Variants in ZNHIT2 observed in about 807,000 individuals in gnomAD.
ZNHIT2 encodes the protein zinc finger HIT domain-containing protein 2.
Under a neutral mutation model 18.0 loss-of-function variants are expected in ZNHIT2, and 16 were observed. The observed-to-expected ratio is 0.89, with a 90% CI of 0.60 to 1.35. The LOEUF (loss-of-function observed/expected upper bound fraction) is 1.35, where lower values mean the gene tolerates loss of function less well. ZNHIT2 is among the 40% of genes most tolerant of loss of function. The probability of loss-of-function intolerance (pLI) is 0.00; values close to 1 mark genes in which losing one functional copy is unlikely to be tolerated. For missense variants in ZNHIT2, 631 were observed against 566.4 expected, an observed-to-expected ratio of 1.11 and a Z score of -1.16; for synonymous variants, 336 against 269.8, an observed-to-expected ratio of 1.25 and a Z score of -2.41.
At position 65,116,463 on chromosome 11, in the gene ZNHIT2, G is replaced by T; in HGVS notation, c.1191C>A (p.Leu397=). 2 of 1,513,960 alleles carry T rather than the reference G, an allele frequency of 1.3e-6. No homozygotes were observed. Among genetic ancestry groups the T allele is most frequent in the African/African-American group, 1.4e-5 (1 of 71,774 alleles). The allele number at this position is 1,513,960 out of a possible 1,614,324, so 93.8% of individuals were successfully genotyped here. A position where few individuals can be genotyped will look rare whatever the true frequency, so the allele number is the denominator to read the frequency against. Residue 397 remains leucine, a synonymous_variant, in exon 1 of 1, where the codon CTC becomes CTA. Transcript: ENST00000310597. ...CCGTTCAGCTAGGGAGCTCCTCAATGAGAGTTCTTGGGGCAGGTGGCACGG... is the reference window on the plus strand; with the variant it reads ...CCGTTCAGCTAGGGAGCTCCTCAATTAGAGTTCTTGGGGCAGGTGGCACGG... The part of the protein sequence containing the change: ...GGPVPPAPRT[L]IEELPS
chr11:65,116,558 G>A lies in ZNHIT2; in HGVS notation c.1096C>T (p.Gln366Ter). ...TCCTCGGCTACCACAGCATGGGCTT[G>A]GTGAGCCCTGGCGCAGTCTAGGGCC... The part of the protein sequence containing the change: ...PLALDCARAH[Q>*]AHAVVAEEVA... The change falls in exon 1 of 1, where the codon CAA becomes TAA. Residue 366 changes from glutamine (Q) to a stop codon, truncating the protein, a stop_gained. Coordinates refer to ENST00000310597, the MANE Select transcript of ZNHIT2 (RefSeq NM_014205.4). LOFTEE classifies it high-confidence loss of function. 6.4e-7 allele frequency: 1 copy of A among 1,573,466 alleles called. No individual in the cohort carries two copies. Among genetic ancestry groups the A allele is most frequent in the Non-Finnish European group, 8.7e-7 (1 of 1,153,380 alleles).
At position 65,117,383 on chromosome 11, in the gene ZNHIT2, C is replaced by A. The variant is rs1432511754; in HGVS notation, c.271G>T (p.Ala91Ser). The A allele has an allele frequency of 2.0e-6, 3 of 1,498,384 alleles. No homozygotes were observed. Among genetic ancestry groups the A allele is most frequent in the Non-Finnish European group, 2.7e-6 (3 of 1,131,938 alleles). 92.8% of individuals were successfully genotyped at this position (1,498,384 alleles called of 1,614,324 possible). ...PGEAGLSSGP[A>S]PGGLSGLWER... is the part of the protein sequence containing the mutation. ...CAGAGTCCCGATAGGCCGCCGGGCG[C>A]CGGGCCGGAGCTGAGGCCTGCTTCC... The change falls in exon 1 of 1, where the codon GCG (alanine) becomes TCG (serine). Residue 91 changes from alanine to serine, a missense_variant. Physicochemically the swap from Ala to Ser is moderately conservative, Grantham distance 99 (BLOSUM62 1). Transcript: ENST00000310597.
At position 65,116,620 on chromosome 11, in the gene ZNHIT2, G is replaced by C; in HGVS notation, c.1034C>G (p.Ala345Gly). ...GGCCGCCTCATTTTCGTTGGTCCAG[G>C]CCAGGAGGAACTGGCACTTTTTCCG... The part of the protein sequence containing the change: ...RARKKCQFLL[A>G]WTNENEAALT... The change falls in exon 1 of 1, where the codon GCC becomes GGC. Residue 345 changes from alanine to glycine, a missense_variant. Physicochemically the swap from Ala to Gly is moderately conservative, Grantham distance 60. Coordinates refer to ENST00000310597, the MANE Select transcript of ZNHIT2 (RefSeq NM_014205.4). 6.2e-7 allele frequency: 1 copy of C among 1,613,824 alleles called. No individual in the cohort carries two copies. The highest frequency in any genetic ancestry group is 8.5e-7 in the Non-Finnish European group (1 of 1,179,840).
rs1343212298 is a variant in ZNHIT2 at position 65,116,952 on chromosome 11, G to C, written c.702C>G (p.Asp234Glu). The change falls in exon 1 of 1, where the codon GAC becomes GAG. Residue 234 changes from aspartate (D) to glutamate (E), a missense_variant. Physicochemically the swap from Asp to Glu is conservative, Grantham distance 45. Coordinates refer to ENST00000310597, the MANE Select transcript of ZNHIT2 (RefSeq NM_014205.4). ...HTLALYHGGD[D>E]ALLSDFCATL... is the part of the protein sequence containing the mutation. The stretch of plus-strand genomic sequence containing the variant: ...TGGCACAGAAGTCAGAGAGCAGCGC[G>C]TCGTCACCGCCGTGATACAGGGCGA... The C allele has an allele frequency of 6.3e-7, 1 of 1,598,256 alleles. No individual in the cohort carries two copies. Among genetic ancestry groups the C allele is most frequent in the East Asian group, 2.2e-5 (1 of 44,578 alleles).
chr11:65,116,661 A>C lies in ZNHIT2; in HGVS notation c.993T>G (p.Asp331Glu). ...ACTTTTTCCGGGCCCGGTAAAGATG[A>C]TCTCGCTCTTCTCTAGCCACGGCCT... The part of the protein sequence containing the change: ...RKQAVAREER[D>E]HLYRARKKCQ... Residue 331 changes from aspartate to glutamate, a missense_variant, in exon 1 of 1, where the codon GAT (aspartate) becomes GAG (glutamate). Coordinates refer to ENST00000310597, the MANE Select transcript of ZNHIT2 (RefSeq NM_014205.4). 6.2e-7 allele frequency: 1 copy of C among 1,614,014 alleles called. No individual in the cohort carries two copies. Among genetic ancestry groups the C allele is most frequent in the Non-Finnish European group, 8.5e-7 (1 of 1,180,006 alleles).
Position 65,116,971 on chromosome 11 carries a change from A to G in ZNHIT2, c.683T>C (p.Leu228Pro). Residue 228 changes from leucine to proline, a missense_variant, in exon 1 of 1, where the codon CTG becomes CCG. Physicochemically the swap from Leu to Pro is moderately conservative, Grantham distance 98. Coordinates refer to ENST00000310597, the MANE Select transcript of ZNHIT2 (RefSeq NM_014205.4). ...CAGCGCGTCGTCACCGCCGTGATAC[A>G]GGGCGAGAGTATGCGCGTAGGCGAA... ...VLFAYAHTLA[L>P]YHGGDDALLS... 6.2e-7 allele frequency: 1 copy of G among 1,601,656 alleles called. No homozygotes were observed. Among genetic ancestry groups the G allele is most frequent in the Non-Finnish European group, 8.5e-7 (1 of 1,177,642 alleles).
Position 65,116,821 on chromosome 11 carries a change from G to A in ZNHIT2, c.833C>T (p.Pro278Leu), listed in dbSNP as rs1238840406. The change falls in exon 1 of 1, where the codon CCG becomes CTG. Residue 278 changes from proline to leucine, a missense_variant. By Grantham distance (98) the Pro-to-Leu change is moderately conservative (BLOSUM62 -3). Coordinates refer to ENST00000310597, the MANE Select transcript of ZNHIT2 (RefSeq NM_014205.4). ...AHVLEAGEHP[P>L]GPLGTRGAMH... ...AGCCCCTCGTGTGCCCAGGGGCCCC[G>A]GCGGGTGCTCGCCTGCTTCCAGCAC... 3.1e-6 allele frequency: 5 copies of A among 1,608,678 alleles called. No homozygotes were observed. In the South Asian group the frequency reaches 4.4e-5, roughly 14 times the overall value.
Position 65,117,120 on chromosome 11 carries a change from C to T in ZNHIT2, c.534G>A (p.Glu178=), listed in dbSNP as rs35984938. 2 of 1,582,196 alleles carry T rather than the reference C, an allele frequency of 1.3e-6. No homozygotes were observed. The highest frequency in any genetic ancestry group is 2.2e-5 in the South Asian group (2 of 89,534). The change falls in exon 1 of 1, where the codon GAG becomes GAA. Residue 178 remains glutamate, a synonymous_variant. Coordinates refer to ENST00000310597, the MANE Select transcript of ZNHIT2 (RefSeq NM_014205.4). ...DASAAEPAAA[E]RVLGDVPGAC... ...CCCCCGGGACATCTCCAAGAACCCG[C>T]TCGGCGGCCGCGGGCTCCGCGGCGG...
In ZNHIT2 at chr11:65,116,752, T is replaced by C. The variant is rs777242304; in HGVS notation, c.902A>G (p.Asn301Ser). The C allele has an allele frequency of 1.2e-6, 2 of 1,610,448 alleles. No homozygotes were observed. Among genetic ancestry groups the C allele is most frequent in the African/African-American group, 1.3e-5 (1 of 74,998 alleles). ...ARILLGEGPT[N>S]QKGYTLAALG... Reference sequence around the variant, plus strand: ...TGCTGCCAGCGTGTAGCCTTTCTGGTTGGTCGGGCCCTCGCCCAGCAGGAT... The same window carrying C: ...TGCTGCCAGCGTGTAGCCTTTCTGGCTGGTCGGGCCCTCGCCCAGCAGGAT... Residue 301 changes from asparagine (N) to serine (S), a missense_variant, in exon 1 of 1, where the codon AAC becomes AGC. Coordinates refer to ENST00000310597, the MANE Select transcript of ZNHIT2 (RefSeq NM_014205.4).
Position 65,117,309 on chromosome 11 carries a change from G to A in ZNHIT2, c.345C>T (p.Ser115=), listed in dbSNP as rs773492749. The change falls in exon 1 of 1, where the codon AGC becomes AGT. Residue 115 remains serine (S), a synonymous_variant. Coordinates refer to ENST00000310597, the MANE Select transcript of ZNHIT2 (RefSeq NM_014205.4). ...GCAGCAGCCGCCCGGCCTCACCGCG[G>A]CTCAGCAGCCGCTCGAAGGCAGCTT... is the stretch of plus-strand genomic sequence containing the variant. ...GEKAAFERLL[S]RGEAGRLLPP... 3.4e-6 allele frequency: 5 copies of A among 1,491,990 alleles called. No homozygotes were observed. In the Admixed American group the frequency reaches 7.1e-5, roughly 21 times the overall value. The allele number at this position is 1,491,990 out of a possible 1,614,324, so 92.4% of individuals were successfully genotyped here.
In ZNHIT2 at chr11:65,117,608, G is replaced by A. The variant is rs1948008776; in HGVS notation, c.46C>T (p.Gln16Ter). Residue 16 changes from glutamine (Q) to a stop codon, truncating the protein, a stop_gained, in exon 1 of 1, where the codon CAG becomes TAG. Transcript: ENST00000310597. LOFTEE classifies it high-confidence loss of function. ...CGAGGGCAGGTGTAACGCGCTGGCT[G>A]GACCTCCCCCGCCGGGCAGAAGCCA... is the stretch of plus-strand genomic sequence containing the variant. ...PCGFCPAGEV[Q>*]PARYTCPRCN... The A allele has an allele frequency of 6.6e-7, 1 of 1,510,654 alleles. No individual in the cohort carries two copies. The highest frequency in any genetic ancestry group is 8.8e-7 in the Non-Finnish European group (1 of 1,134,518). The allele number at this position is 1,510,654 out of a possible 1,614,324, so 93.6% of individuals were successfully genotyped here.
In ZNHIT2 at chr11:65,117,279, T is replaced by C. The variant is rs765623213; in HGVS notation, c.375A>G (p.Pro125=). ...SRGEAGRLLP[P]WRPWWWNRGA... is the part of the protein sequence containing the mutation. ...CGCGGTTCCACCACCACGGCCGCCA[T>C]GGAGGCAGCAGCCGCCCGGCCTCAC... Residue 125 remains proline, a synonymous_variant, in exon 1 of 1, where the codon CCA becomes CCG. Transcript: ENST00000310597. 13 of 1,490,500 alleles carry C rather than the reference T, an allele frequency of 8.7e-6. No homozygotes were observed. The highest frequency in any genetic ancestry group is 2.8e-5 in the African/African-American group (2 of 70,190). 92.3% of individuals were successfully genotyped at this position (1,490,500 alleles called of 1,614,324 possible). A position where few individuals can be genotyped will look rare whatever the true frequency, so the allele number is the denominator to read the frequency against.
chr11:65,117,678 G>T lies in ZNHIT2; in HGVS notation c.-25C>A. 7.3e-7 allele frequency: 1 copy of T among 1,362,080 alleles called. No homozygotes were observed. The highest frequency in any genetic ancestry group is 9.4e-7 in the Non-Finnish European group (1 of 1,059,726). 84.4% of individuals were successfully genotyped at this position (1,362,080 alleles called of 1,614,324 possible). On this transcript the variant is annotated 5_prime_UTR_variant, in exon 1 of 1. Transcript: ENST00000310597. ...TGGCAACTGGCACCGCGATCTACCT[G>T]CGAACGCACGCCGGTGGTAGTTCGA...
In ZNHIT2 at chr11:65,117,132, G is replaced by C; in HGVS notation, c.522C>G (p.Pro174=). ...CTCCAAGAACCCGCTCGGCGGCCGC[G>C]GGCTCCGCGGCGGAGGCATCTTTCA... The part of the protein sequence containing the change: ...DSVKDASAAE[P]AAAERVLGDV... Residue 174 remains proline, a synonymous_variant, in exon 1 of 1, where the codon CCC becomes CCG. Transcript: ENST00000310597. 1 of 1,581,606 alleles carries C rather than the reference G, an allele frequency of 6.3e-7. No homozygotes were observed. Among genetic ancestry groups the C allele is most frequent in the African/African-American group, 1.3e-5 (1 of 74,350 alleles).
chr11:65,116,914 A>G lies in ZNHIT2; in HGVS notation c.740T>C (p.Val247Ala), dbSNP rs1947995700. 2 of 1,596,910 alleles carry G rather than the reference A, an allele frequency of 1.3e-6. No homozygotes were observed. Among genetic ancestry groups the G allele is most frequent in the Non-Finnish European group, 1.7e-6 (2 of 1,176,340 alleles). Residue 247 changes from valine (V) to alanine (A), a missense_variant, in exon 1 of 1, where the codon GTT becomes GCT. Val to Ala is a moderately conservative substitution (Grantham distance 64). Coordinates refer to ENST00000310597, the MANE Select transcript of ZNHIT2 (RefSeq NM_014205.4). ...LSDFCATLLG[V>A]SGALGAQQVF... ...TTGCTGGGCACCCAGGGCTCCGGAAACGCCGAGCAGTGTGGCACAGAAGTC... is the reference window on the plus strand; with the variant it reads ...TTGCTGGGCACCCAGGGCTCCGGAAGCGCCGAGCAGTGTGGCACAGAAGTC...
chr11:65,117,175 C>T lies in ZNHIT2; in HGVS notation c.479G>A (p.Arg160Lys). The change falls in exon 1 of 1, where the codon AGG becomes AAG. Residue 160 changes from arginine (R) to lysine (K), a missense_variant. Transcript: ENST00000310597. Reference protein sequence around the residue: ...DAAELELAPARTPPDSVKDAS... With the variant: ...DAAELELAPAKTPPDSVKDAS... ...ATCTTTCACAGAATCCGGCGGGGTC[C>T]TCGCAGGGGCGAGCTCCAGCTCCGC... The T allele has an allele frequency of 6.4e-7, 1 of 1,558,938 alleles. No individual in the cohort carries two copies.
In ZNHIT2 at chr11:65,117,450, T is replaced by G. The variant is rs772989821; in HGVS notation, c.204A>C (p.Leu68=). The change falls in exon 1 of 1, where the codon CTA becomes CTC. Residue 68 remains leucine (L), a synonymous_variant. Transcript: ENST00000310597. The stretch of plus-strand genomic sequence containing the variant: ...TCTCGCGTTGCTGACGCAGCCGGCG[T>G]AGGGCGCTTGCTAGGCGGCTGGGAG... The part of the protein sequence containing the change: ...SAPPSRLASA[L]RRLRQQRETE... The G allele has an allele frequency of 1.4e-5, 21 of 1,529,174 alleles. No homozygotes were observed. Among genetic ancestry groups the G allele is most frequent in the East Asian group, 2.4e-5 (1 of 40,900 alleles). 94.7% of individuals were successfully genotyped at this position (1,529,174 alleles called of 1,614,324 possible).
Position 65,117,444 on chromosome 11 carries a change from C to A in ZNHIT2, c.210G>T (p.Arg70=), listed in dbSNP as rs766735027. 3.3e-6 allele frequency: 5 copies of A among 1,512,138 alleles called. No homozygotes were observed. Among genetic ancestry groups the A allele is most frequent in the Non-Finnish European group, 4.4e-6 (5 of 1,137,386 alleles). 93.7% of individuals were successfully genotyped at this position (1,512,138 alleles called of 1,614,324 possible). ...CCTCGGTCTCGCGTTGCTGACGCAG[C>A]CGGCGTAGGGCGCTTGCTAGGCGGC... is the stretch of plus-strand genomic sequence containing the variant. ...PPSRLASALR[R]LRQQRETEDE... is the part of the protein sequence containing the mutation. The change falls in exon 1 of 1, where the codon CGG becomes CGT. Residue 70 remains arginine, a synonymous_variant. Coordinates refer to ENST00000310597, the MANE Select transcript of ZNHIT2 (RefSeq NM_014205.4).
chr11:65,117,621 C>G lies in ZNHIT2; in HGVS notation c.33G>C (p.Pro11=), dbSNP rs566247667. The G allele has an allele frequency of 1.2e-5, 18 of 1,489,402 alleles. No homozygotes were observed. The East Asian group carries it at 3.4e-4, about 28-fold the overall frequency. The allele number at this position is 1,489,402 out of a possible 1,614,324, so 92.3% of individuals were successfully genotyped here. The change falls in exon 1 of 1, where the codon CCG becomes CCC. Residue 11 remains proline, a synonymous_variant. Coordinates refer to ENST00000310597, the MANE Select transcript of ZNHIT2 (RefSeq NM_014205.4). MEPAGPCGFC[P]AGEVQPARYT... ...AACGCGCTGGCTGGACCTCCCCCGC[C>G]GGGCAGAAGCCACAGGGCCCGGCCG...
Sources: allele counts gnomAD v4.1 joint callset, GRCh38; gene constraint gnomAD v4.1.1; transcripts MANE v1.5; gene names NCBI Gene and HGNC (gene_info 2026-07-23, HGNC 2026-07-21).